The following SYT14 variants were observed in gnomAD, a reference collection of about 807,000 sequenced individuals.
SYT14 encodes synaptotagmin 14, also known as synaptotagmin-14.
In SYT14, 32 loss-of-function variants were observed where a neutral mutation model predicts 74.2. That is an observed-to-expected ratio of 0.43 (90% CI 0.33 to 0.58). The LOEUF (loss-of-function observed/expected upper bound fraction) is 0.58, where lower values mean the gene tolerates loss of function less well. SYT14 is among the 20% of genes least tolerant of loss of function. SYT14 has a pLI of 0.05. For synonymous variants in SYT14, 298 were observed against 337.7 expected, an observed-to-expected ratio of 0.88 and a Z score of 1.29; for missense variants, 791 against 981.8, an observed-to-expected ratio of 0.81 and a Z score of 2.60.
At chr1:210,116,864 G>T (rs975110607) in intron 7 of SYT14, among the ~76,000 whole-genome samples, 1 of 152,018 alleles carries the variant, frequency 6.6e-6, no homozygotes, top group Non-Finnish European at 1.5e-5. Flanking sequence ...AAGTAAATCT[G>T]ATCATTCTTA....
At chr1:209,959,621 G>T (rs999746782) in intron 2 of SYT14, among the ~76,000 whole-genome samples, 2 of 152,052 alleles carry the variant, frequency 1.3e-5, no homozygotes, top group Admixed American at 1.3e-4. Context: ...AAAGAAACCA[G>T]ACATAAAAAT....
At chr1:210,119,604 G>A (rs2082419960) in intron 7 of SYT14, among the ~76,000 whole-genome samples, 2 of 152,044 alleles carry the variant, frequency 1.3e-5, no homozygotes, top group South Asian at 4.2e-4. Flanking sequence ...GAATAATTCT[G>A]GTCATAAAGT....
chr1:210,125,114 G>A (rs1199514964), intron 7 of SYT14, among the ~76,000 whole-genome samples: 1 of 151,830 alleles, frequency 6.6e-6, no homozygotes, highest in Non-Finnish European at 1.5e-5. Flanking sequence ...TTTGTTACAA[G>A]GATATACTGC....
At chr1:210,152,880 G>C (rs200114504) in intron 7 of SYT14, among the ~76,000 whole-genome samples, 1 of 149,518 alleles carries the variant, frequency 6.7e-6, no homozygotes, top group Non-Finnish European at 1.5e-5. Context: ...TGATTTTTTT[G>C]TTTGTTTTTT....
intron 2 of SYT14, among the ~76,000 whole-genome samples, chr1:209,956,576 C>G (rs940626458): frequency 2.6e-5 from 4 of 152,134 alleles, no homozygotes; most frequent in African/African-American, 9.7e-5. Context: ...AATTCAGTCA[C>G]AGGGCTACAT....
rs190650356 is a variant in SYT14, at chr1:209,946,456, T to G, written c.-533-6253T>G. On this transcript the variant is annotated intron_variant, in intron 1 of 9. Transcript: ENST00000637265. ...GCCTTATTGCTGATATGGAGAAGTT[T>G]GAGTGGTCTGGATGGCAGATCAAAC... Among the ~76,000 whole-genome samples the G allele has an allele frequency of 4.3e-3, 654 of 152,324 alleles. 2 individuals carry two copies. Among genetic ancestry groups the G allele is most frequent in the Non-Finnish European group, 4.8e-3 (326 of 68,034 alleles).
intron 5 of SYT14, among the ~76,000 whole-genome samples, chr1:210,035,387 G>GT (rs1359968540): frequency 1.3e-4 from 20 of 151,570 alleles, no homozygotes; most frequent in Non-Finnish European, 7.4e-5. Flanking sequence ...TGTGTTGATT[G>GT]TTTTTTTGCT....
chr1:210,054,175 C>G (rs1007974944), intron 5 of SYT14, among the ~76,000 whole-genome samples: 2 of 152,216 alleles, frequency 1.3e-5, no homozygotes, highest in South Asian at 2.1e-4. Flanking sequence ...GTACAACTTT[C>G]ATTGTTGATG....
intron 2 of SYT14, among the ~76,000 whole-genome samples, chr1:209,978,671 C>T (rs1035155276): frequency 6.6e-6 from 1 of 152,214 alleles, no homozygotes. Flanking sequence ...CTTGAGGAGG[C>T]AGTCTGTCCG....
chr1:210,093,006 T>G (rs755736860), intron 5 of SYT14, among the ~76,000 whole-genome samples: 28 of 152,150 alleles, frequency 1.8e-4, no homozygotes, highest in Non-Finnish European at 3.4e-4. Flanking sequence ...TTTTTGCATT[T>G]TGGTATTTGA....
chr1:210,119,512 T>C (rs1216729179), intron 7 of SYT14, among the ~76,000 whole-genome samples: 1 of 152,210 alleles, frequency 6.6e-6, no homozygotes, highest in Non-Finnish European at 1.5e-5. Context: ...TAATCACATT[T>C]GTGCTGTGGA....
chr1:210,142,814 G>C (rs4844951), intron 7 of SYT14, among the ~76,000 whole-genome samples: 91,380 of 151,940 alleles, frequency 0.6, 28,671 homozygotes, highest in East Asian at 0.85. Context: ...TAATAGTGTA[G>C]AAGAAGCATC....
chr1:210,002,277 T>TTA (rs775677824), intron 2 of SYT14, among the ~76,000 whole-genome samples: 2 of 152,122 alleles, frequency 1.3e-5, no homozygotes, highest in Non-Finnish European at 2.9e-5. Context: ...TTCCTGAGTA[T>TTA]TATCCCTTTT....
intron 5 of SYT14, among the ~76,000 whole-genome samples, chr1:210,034,439 A>G (rs1268735226): frequency 1.3e-5 from 2 of 151,638 alleles, no homozygotes; most frequent in Admixed American, 1.3e-4. Flanking sequence ...ATAAATATAT[A>G]TACATATATT....
intron 5 of SYT14, among the ~76,000 whole-genome samples, chr1:210,028,198 T>A (rs2080454706): frequency 1.3e-5 from 2 of 148,406 alleles, no homozygotes; most frequent in African/African-American, 5.0e-5. Flanking sequence ...GTCAGCATGA[T>A]GTCATCAAGA....
chr1:210,020,967 C>G (rs1460138397), intron 4 of SYT14, 72 bp from the exon 4 acceptor site: 1 of 1,265,572 alleles, frequency 7.9e-7, no homozygotes, highest in Non-Finnish European at 1.1e-6. Flanking sequence ...ATTTGACGGG[C>G]CCAGTAGGGC....
chr1:210,096,358 T>A (rs946386269), intron 6 of SYT14, among the ~76,000 whole-genome samples: 2 of 152,164 alleles, frequency 1.3e-5, no homozygotes, highest in Non-Finnish European at 2.9e-5. Flanking sequence ...GATGCTCAAA[T>A]TATTGTGTGT....
chr1:210,150,258 G>A (rs953341889), intron 7 of SYT14, among the ~76,000 whole-genome samples: 17 of 152,196 alleles, frequency 1.1e-4, no homozygotes, highest in African/African-American at 4.1e-4. Context: ...AACATGGGTT[G>A]AGGCCTGGAT....
At chr1:210,076,891 A>G (rs2081511203) in intron 5 of SYT14, among the ~76,000 whole-genome samples, 2 of 152,040 alleles carry the variant, frequency 1.3e-5, no homozygotes, top group Admixed American at 6.5e-5. Flanking sequence ...TTCTCCAACA[A>G]TGGGGATTAC....
Sources: gnomAD v4.1 joint callset for allele counts (sites outside exome capture counted in the v4.1 genomes callset) on GRCh38, gnomAD v4.1.1 for gene constraint, MANE v1.5 for transcripts, NCBI Gene and HGNC (gene_info 2026-07-23, HGNC 2026-07-21) for gene names.